Variants in SYNPO2 observed in about 807,000 individuals in gnomAD.
SYNPO2 encodes the protein synaptopodin-2.
In SYNPO2, 56 loss-of-function variants were observed where a neutral mutation model predicts 85.0. The observed-to-expected ratio is 0.66, with a 90% CI of 0.53 to 0.82. The LOEUF is 0.82. Ranked by LOEUF, SYNPO2 falls within the 40% of genes least tolerant of loss-of-function variation. The pLI, the probability that SYNPO2 is intolerant of heterozygous loss-of-function variation, is 0.00. For synonymous variants in SYNPO2, 602 were observed against 591.1 expected, an observed-to-expected ratio of 1.02 and a Z score of -0.27; for missense variants, 1,575 against 1,534.2, an observed-to-expected ratio of 1.03 and a Z score of -0.44.
At chr4:118,878,203 T>C (rs534535357) in intron 1 of SYNPO2, among the ~76,000 whole-genome samples, 6 of 152,158 alleles carry the variant, frequency 3.9e-5, no homozygotes, top group Non-Finnish European at 5.9e-5. Flanking sequence ...CAGGGCCTAC[T>C]TGAGGGTGGA....
At chr4:118,954,890 T>G (rs879719053) in intron 1 of SYNPO2, among the ~76,000 whole-genome samples, 8 of 152,126 alleles carry the variant, frequency 5.3e-5, no homozygotes, top group Non-Finnish European at 8.8e-5. Context: ...ATGATCCCCA[T>G]TTTTACAAAT....
intron 4 of SYNPO2, chr4:119,036,279 G>C: frequency 1.0e-6 from 1 of 985,324 alleles, no homozygotes; most frequent in Non-Finnish European, 1.2e-6. Flanking sequence ...TAAAATCAGG[G>C]TTGTTGAGTT....
intron 1 of SYNPO2, among the ~76,000 whole-genome samples, chr4:118,932,763 T>C (rs1733974266): frequency 6.6e-6 from 1 of 152,166 alleles, no homozygotes; most frequent in South Asian, 2.1e-4. Context: ...GATAGAAAAG[T>C]GGTCGATAGT....
chr4:118,884,584 A>C (rs1288114677), upstream of SYNPO2, among the ~76,000 whole-genome samples: 3 of 152,222 alleles, frequency 2.0e-5, no homozygotes, highest in Admixed American at 6.5e-5. Context: ...GCTACTAACC[A>C]ATGGGAAATA....
chr4:119,043,065 T>C (rs1324227180), intron 4 of SYNPO2: 3 of 135,784 alleles, frequency 2.2e-5, no homozygotes, highest in South Asian at 2.3e-4. Flanking sequence ...TTGGTTGTTT[T>C]TTTTCTTTTG....
chr4:118,988,796 A>C (rs534388394), intron 1 of SYNPO2, among the ~76,000 whole-genome samples: 79 of 152,256 alleles, frequency 5.2e-4, no homozygotes, highest in African/African-American at 1.9e-3. Flanking sequence ...CAGTGCCGGC[A>C]TCTCTGCGAA....
intron 1 of SYNPO2, among the ~76,000 whole-genome samples, chr4:119,013,444 A>G (rs1176102970): frequency 6.6e-6 from 1 of 152,250 alleles, no homozygotes; most frequent in Non-Finnish European, 1.5e-5. Context: ...ATTGCAAGCC[A>G]TACTAGCCAT....
In SYNPO2 at chr4:118,852,631, A is replaced by T. The variant is rs147811821; in HGVS notation, c.12+1691A>T. Among the ~76,000 whole-genome samples, 556 of 152,298 alleles carry T rather than the reference A, an allele frequency of 3.7e-3. 4 individuals carry two copies. Among genetic ancestry groups the T allele is most frequent in the African/African-American group, 0.013 (520 of 41,558 alleles). ...CAAACTAACACAGGAACAGAAAACC[A>T]AATACCACATGTTCTTATAAGTGGG... On this transcript the variant is annotated intron_variant, in intron 1 of 4. Coordinates refer to the SYNPO2 transcript ENST00000610556.
At chr4:118,862,184 G>A (rs1419400795) in intron 1 of SYNPO2, among the ~76,000 whole-genome samples, 6 of 152,060 alleles carry the variant, frequency 3.9e-5, no homozygotes, top group African/African-American at 1.4e-4. Flanking sequence ...TGTTGATTTT[G>A]TATCCTGCAA....
At chr4:118,877,618 T>C (rs1030127733) in intron 1 of SYNPO2, among the ~76,000 whole-genome samples, 1 of 152,184 alleles carries the variant, frequency 6.6e-6, no homozygotes, top group Admixed American at 6.5e-5. Flanking sequence ...TCAACATCAC[T>C]GATCATTACA....
chr4:118,952,444 A>G (rs879386292), intron 1 of SYNPO2, among the ~76,000 whole-genome samples: 2 of 152,076 alleles, frequency 1.3e-5, no homozygotes, highest in African/African-American at 4.8e-5. Context: ...GGTTTGTTAC[A>G]TATGTATATA....
Position 119,057,804 on chromosome 4 carries a change from A to C in SYNPO2, c.3656A>C (p.Tyr1219Ser), listed in dbSNP as rs1283651396. The change falls in exon 5 of 5, where the codon TAT (tyrosine) becomes TCT (serine). Residue 1219 changes from tyrosine (Y) to serine (S), a missense_variant. By Grantham distance (144) the Tyr-to-Ser change is moderately radical (BLOSUM62 -2). Around this residue, in one of 3 missense-constraint regions of SYNPO2, gnomAD observed 1,508 missense variants for 1,446.8 expected, o/e 1.04. Coordinates refer to ENST00000307142, the MANE Select transcript of SYNPO2 (RefSeq NM_133477.3). ...TCCCAATATGGTTCACAGTTGCCAT[A>C]TGCATATTATAGGCAGGCTTCAAGA... ...TTSQYGSQLP[Y>S]AYYRQASRND... 2 of 1,614,006 alleles carry C rather than the reference A, an allele frequency of 1.2e-6. No individual in the cohort carries two copies. The highest frequency in any genetic ancestry group is 3.3e-5 in the Admixed American group (2 of 59,996).
chr4:119,031,267 C>A lies in SYNPO2; in HGVS notation c.2492C>A (p.Pro831Gln). The change falls in exon 4 of 5, where the codon CCA becomes CAA. Residue 831 changes from proline to glutamine, a missense_variant. Transcript: ENST00000307142. Reference protein sequence around the residue: ...TLNVAGPFKGPQAAVASQNYT... With the variant: ...TLNVAGPFKGQQAAVASQNYT... ...AACGTGGCTGGTCCCTTCAAAGGAC[C>A]ACAAGCAGCAGTAGCCAGTCAGAAT... The A allele has an allele frequency of 1.9e-6, 3 of 1,614,144 alleles. No individual in the cohort carries two copies. The highest frequency in any genetic ancestry group is 2.5e-6 in the Non-Finnish European group (3 of 1,180,018).
intron 4 of SYNPO2, chr4:119,042,988 A>G (rs1738761845): frequency 6.6e-6 from 1 of 152,266 alleles, no homozygotes; most frequent in South Asian, 2.1e-4. Context: ...AGCCTAGGTC[A>G]CTGCACAGGT....
intron 4 of SYNPO2, chr4:119,032,563 A>G (rs1438968436): frequency 4.0e-6 from 4 of 996,230 alleles, no homozygotes; most frequent in Non-Finnish European, 4.8e-6. Context: ...AATCTCAGCC[A>G]CCTGTTTGAT....
intron 1 of SYNPO2, among the ~76,000 whole-genome samples, chr4:118,876,388 TC>T (rs1220252647): frequency 6.6e-6 from 1 of 152,200 alleles, no homozygotes; most frequent in Non-Finnish European, 1.5e-5. Flanking sequence ...GTTGCATCAC[TC>T]CCATCGCGCT....
At chr4:118,971,824 G>A (rs1735551728) in intron 1 of SYNPO2, among the ~76,000 whole-genome samples, 1 of 151,346 alleles carries the variant, frequency 6.6e-6, no homozygotes, top group African/African-American at 2.4e-5. Flanking sequence ...CTCTTCCCAT[G>A]CCGAGAAGTG....
intron 4 of SYNPO2, chr4:119,035,168 G>A (rs1420973349): frequency 7.1e-6 from 7 of 985,324 alleles, no homozygotes; most frequent in Non-Finnish European, 8.4e-6. Flanking sequence ...TACAGTCACT[G>A]ACTTTCTGCA....
intron 1 of SYNPO2, among the ~76,000 whole-genome samples, chr4:118,926,723 T>G (rs908977419): frequency 3.9e-5 from 6 of 152,118 alleles, no homozygotes; most frequent in Non-Finnish European, 7.4e-5. Context: ...AATGGTGTAA[T>G]GAAACAAAAA....
Sources: gnomAD v4.1 joint callset for allele counts (sites outside exome capture counted in the v4.1 genomes callset) on GRCh38, gnomAD v4.1.1 for gene constraint, gnomAD v4.1.1 regional missense constraint, MANE v1.5 for transcripts, NCBI Gene and HGNC (gene_info 2026-07-23, HGNC 2026-07-21) for gene names.